PTPRD: variants seen among roughly 807,000 people sequenced by gnomAD.
The protein encoded by PTPRD is receptor-type tyrosine-protein phosphatase delta.
PTPRD carries 34 observed loss-of-function variants against 214.5 expected under a neutral mutation model. The ratio of observed to expected loss-of-function variants is 0.16; its 90% CI spans 0.12 to 0.21. The LOEUF (loss-of-function observed/expected upper bound fraction) is 0.21, where lower values mean the gene tolerates loss of function less well. Ranked by LOEUF, PTPRD falls within the 10% of genes least tolerant of loss-of-function variation. The pLI is 1.00. For missense variants in PTPRD, 2,545 were observed against 2,398.7 expected (o/e 1.06, Z -1.27); for synonymous variants, 1,128 against 845.7 (o/e 1.33, Z -5.79).
chr9:9,729,920 G>A (rs547805382), intron 7 of PTPRD, among the ~76,000 whole-genome samples: 3 of 152,066 alleles, frequency 2.0e-5, no homozygotes, highest in Admixed American at 6.6e-5. Context: ...ATGTTAAAAT[G>A]TGCAAAGCAT....
rs181840181 is a variant in PTPRD, at chr9:9,309,225, T to G, written c.-203+88224A>C. ...GCCTGAACTGTATGTTTTTGTTTTT[T>G]TTTTTAATTTTTCTTTGCTCTCCCC... On this transcript the variant is annotated intron_variant, in intron 9 of 45. Transcript: ENST00000381196. Among the ~76,000 whole-genome samples, 171 of 152,164 alleles carry G rather than the reference T, an allele frequency of 1.1e-3. 1 individual carries two copies. The South Asian group carries it at 0.012, about 11-fold the overall frequency.
At chr9:8,650,250 A>G (rs1039203662) in intron 12 of PTPRD, among the ~76,000 whole-genome samples, 1 of 151,310 alleles carries the variant, frequency 6.6e-6, no homozygotes, top group Non-Finnish European at 1.5e-5. Flanking sequence ...GGATATGTGG[A>G]CGGGCACGGT....
chr9:9,242,697 C>A (rs547138622), intron 9 of PTPRD, among the ~76,000 whole-genome samples: 1 of 152,248 alleles, frequency 6.6e-6, no homozygotes, highest in African/African-American at 2.4e-5. Flanking sequence ...TCCATCAGGT[C>A]ATTTAAGGAC....
rs187968565 is a variant in PTPRD, at chr9:10,115,516, A to G, written c.-544-81726T>C. 8.5e-5 allele frequency among the ~76,000 whole-genome samples: 13 copies of G among 152,262 alleles called. No individual in the cohort carries two copies. In the East Asian group the frequency reaches 1.5e-3, roughly 18 times the overall value. On this transcript the variant is annotated intron_variant, in intron 3 of 45. Transcript: ENST00000381196. Reference sequence around the variant, plus strand: ...TTTACAATTTGGCCAAGGGACACTGAAAGTTAACCCACAACTTGCCATGTT... The same window carrying G: ...TTTACAATTTGGCCAAGGGACACTGGAAGTTAACCCACAACTTGCCATGTT...
At chr9:8,739,851 G>A (rs963958510) in intron 11 of PTPRD, among the ~76,000 whole-genome samples, 1 of 152,142 alleles carries the variant, frequency 6.6e-6, no homozygotes, top group African/African-American at 2.4e-5. Context: ...AGTCTCATGA[G>A]ATCTGATGAT....
In PTPRD at chr9:9,632,776, A is replaced by C. The variant is rs1431419827; in HGVS notation, c.-286-57995T>G. Among the ~76,000 whole-genome samples the C allele has an allele frequency of 3.9e-5, 6 of 152,182 alleles. No homozygotes were observed. In the East Asian group the frequency reaches 1.2e-3, roughly 29 times the overall value. On this transcript the variant is annotated intron_variant, in intron 7 of 45. Coordinates refer to ENST00000381196, the MANE Select transcript of PTPRD (RefSeq NM_002839.4). Reference sequence around the variant, plus strand: ...ATAAATGGGACAGTTACATAGGTATAAATATAGATAAAGATAAAAATGTGG... The same window carrying C: ...ATAAATGGGACAGTTACATAGGTATCAATATAGATAAAGATAAAAATGTGG...
chr9:10,149,121 C>T (rs944810007), intron 3 of PTPRD, among the ~76,000 whole-genome samples: 2 of 152,170 alleles, frequency 1.3e-5, no homozygotes, highest in Non-Finnish European at 2.9e-5. Context: ...CATGTAGAAA[C>T]TGCAAGTAAG....
At chr9:8,929,839 ATATG>A (rs368883612) in intron 11 of PTPRD, among the ~76,000 whole-genome samples, 3,996 of 32,202 alleles carry the variant, frequency 0.12, 8 homozygotes, top group East Asian at 0.29. Context: ...ATGTGTATAT[ATATG>A]TGTGTATATA....
chr9:10,103,826 A>G (rs1037990377), intron 3 of PTPRD, among the ~76,000 whole-genome samples: 8 of 151,690 alleles, frequency 5.3e-5, no homozygotes, highest in Non-Finnish European at 1.0e-4. Flanking sequence ...GAATTTAGAA[A>G]AATTAAAAGT....
intron 12 of PTPRD, among the ~76,000 whole-genome samples, chr9:8,650,328 G>C (rs963100039): frequency 6.6e-6 from 1 of 152,024 alleles, no homozygotes; most frequent in African/African-American, 2.4e-5. Context: ...TTAGGAGTTT[G>C]AGACCAGCCT....
At chr9:10,378,545 T>C (rs1173726490) in intron 2 of PTPRD, among the ~76,000 whole-genome samples, 2 of 152,014 alleles carry the variant, frequency 1.3e-5, no homozygotes, top group Non-Finnish European at 2.9e-5. Flanking sequence ...GAATACCCAG[T>C]TTTCCAAGAA....
chr9:9,940,448 G>C (rs1158031467), intron 4 of PTPRD, among the ~76,000 whole-genome samples: 1 of 152,102 alleles, frequency 6.6e-6, no homozygotes, highest in African/African-American at 2.4e-5. Flanking sequence ...AAACGGAAGA[G>C]ATCCAGCTAA....
intron 5 of PTPRD, among the ~76,000 whole-genome samples, chr9:9,859,778 C>A (rs567498969): frequency 1.3e-5 from 2 of 152,154 alleles, no homozygotes; most frequent in African/African-American, 4.8e-5. Flanking sequence ...AATACGGTAT[C>A]CTTACCAAAG....
intron 26 of PTPRD, among the ~76,000 whole-genome samples, chr9:8,494,062 A>AT (rs1383379458): frequency 6.6e-6 from 1 of 151,888 alleles, no homozygotes; most frequent in African/African-American, 2.4e-5. Flanking sequence ...ACCCTTTCAG[A>AT]TTTTTGGCAC....
intron 39 of PTPRD, among the ~76,000 whole-genome samples, chr9:8,348,400 C>A (rs1242550050): frequency 6.6e-6 from 1 of 151,764 alleles, no homozygotes; most frequent in East Asian, 1.9e-4. Flanking sequence ...TTGTGGGTTT[C>A]TTTTTTTCTT....
intron 14 of PTPRD, among the ~76,000 whole-genome samples, chr9:8,616,330 G>C (rs115084925): frequency 6.6e-6 from 1 of 152,008 alleles, no homozygotes; most frequent in African/African-American, 2.4e-5. Context: ...ATGAGCTAGA[G>C]GAAAACTCCT....
chr9:10,363,995 T>TTTTG (rs752522456), intron 2 of PTPRD, among the ~76,000 whole-genome samples: 3 of 58,806 alleles, frequency 5.1e-5, no homozygotes, highest in Admixed American at 1.8e-4. Context: ...TTTCGGGTTT[T>TTTTG]TTTTTTTTTT....
chr9:8,543,104 T>C (rs748557324), intron 14 of PTPRD, among the ~76,000 whole-genome samples: 1 of 152,218 alleles, frequency 6.6e-6, no homozygotes, highest in Non-Finnish European at 1.5e-5. Flanking sequence ...CACATTTTAA[T>C]ATACAACATG....
chr9:10,529,404 T>A (rs1175081859), intron 2 of PTPRD, among the ~76,000 whole-genome samples: 1 of 151,994 alleles, frequency 6.6e-6, no homozygotes, highest in Non-Finnish European at 1.5e-5. Flanking sequence ...AAAGAATGAG[T>A]TCATGTTTTT....
Sources: allele counts gnomAD v4.1 joint callset (sites outside exome capture counted in the v4.1 genomes callset), GRCh38; gene constraint gnomAD v4.1.1; transcripts MANE v1.5; gene names NCBI Gene and HGNC (gene_info 2026-07-23, HGNC 2026-07-21).